Variants in MYRIP observed in about 807,000 individuals in gnomAD.
MYRIP encodes the protein rab effector MyRIP.
MYRIP carries 49 observed loss-of-function variants against 98.0 expected under a neutral mutation model. The observed-to-expected ratio is 0.50, with a 90% CI of 0.40 to 0.63. The LOEUF (loss-of-function observed/expected upper bound fraction) is 0.63, where lower values mean the gene tolerates loss of function less well. MYRIP is among the 30% of genes least tolerant of loss of function. MYRIP has a pLI of 0.00. For synonymous variants in MYRIP, 404 were observed against 409.5 expected, an observed-to-expected ratio of 0.99 and a Z score of 0.16; for missense variants, 1,004 against 1,058.2, an observed-to-expected ratio of 0.95 and a Z score of 0.71.
chr3:40,016,216 C>T (rs1946857650), intron 2 of MYRIP, among the ~76,000 whole-genome samples: 1 of 152,158 alleles, frequency 6.6e-6, no homozygotes, highest in Admixed American at 6.5e-5. Context: ...AGCTTCTCCT[C>T]TGAGCCTCCG....
At chr3:40,257,136 G>A (rs1953620786) in intron 16 of MYRIP, among the ~76,000 whole-genome samples, 1 of 152,116 alleles carries the variant, frequency 6.6e-6, no homozygotes, top group Admixed American at 6.6e-5. Context: ...GACCAGCCTG[G>A]GCAACATAGT....
At chr3:39,902,521 A>G (rs1397865150) in intron 2 of MYRIP, among the ~76,000 whole-genome samples, 3 of 151,768 alleles carry the variant, frequency 2.0e-5, no homozygotes, top group East Asian at 1.9e-4. Flanking sequence ...CTCTGGACAC[A>G]GGGCCTGGCA....
chr3:40,238,540 C>T (rs748819071), intron 12 of MYRIP: 1 of 152,194 alleles, frequency 6.6e-6, no homozygotes, highest in Non-Finnish European at 1.5e-5. Context: ...TTGGTTACCA[C>T]AGGGCAGGAC....
At position 40,170,107 on chromosome 3, in the gene MYRIP, C is replaced by A. The variant is rs200521636; in HGVS notation, c.873+14C>A. 2.7e-4 allele frequency: 429 copies of A among 1,613,722 alleles called. 2 individuals carry two copies. The African/African-American group carries it at 5.1e-3, about 19-fold the overall frequency. On this transcript the variant is annotated intron_variant, in intron 8 of 16. Coordinates refer to ENST00000302541, the MANE Select transcript of MYRIP (RefSeq NM_015460.4). ...GCTGCCCTCTGGGTGAGTCCCCAAG[C>A]AGTGCTGGTCTACCCTCCACACGTG...
chr3:39,858,689 G>A (rs1420993354), intron 1 of MYRIP, among the ~76,000 whole-genome samples: 3 of 152,060 alleles, frequency 2.0e-5, no homozygotes, highest in South Asian at 2.1e-4. Context: ...CATTTCAAAT[G>A]TATTTTCTGA....
chr3:40,175,338 T>C (rs1483216247), intron 8 of MYRIP, among the ~76,000 whole-genome samples: 1 of 152,036 alleles, frequency 6.6e-6, no homozygotes, highest in Non-Finnish European at 1.5e-5. Flanking sequence ...CATCTACATG[T>C]AACAGGACAA....
intron 2 of MYRIP, among the ~76,000 whole-genome samples, chr3:39,964,111 C>T (rs944554936): frequency 6.6e-6 from 1 of 152,024 alleles, no homozygotes; most frequent in Non-Finnish European, 1.5e-5. Context: ...CCAAGAATGT[C>T]ACCTGATGCA....
At chr3:40,242,773 A>G (rs1953063963) in intron 12 of MYRIP, among the ~76,000 whole-genome samples, 3 of 152,124 alleles carry the variant, frequency 2.0e-5, no homozygotes, top group Admixed American at 6.5e-5. Flanking sequence ...TTTTTGGTGT[A>G]GATAGGGAAA....
At chr3:39,874,353 C>G (rs1306799713) in intron 1 of MYRIP, among the ~76,000 whole-genome samples, 3 of 151,488 alleles carry the variant, frequency 2.0e-5, no homozygotes, top group Non-Finnish European at 4.4e-5. Flanking sequence ...GCCTAATTGC[C>G]TGGGCCAGAA....
At chr3:39,928,732 A>G (rs1944473122) in intron 2 of MYRIP, among the ~76,000 whole-genome samples, 1 of 151,938 alleles carries the variant, frequency 6.6e-6, no homozygotes. Context: ...CACTGTACTT[A>G]TTGGTGGAGG....
chr3:39,830,824 A>G (rs960351258), intron 1 of MYRIP, among the ~76,000 whole-genome samples: 10 of 152,018 alleles, frequency 6.6e-5, no homozygotes, highest in African/African-American at 2.2e-4. Context: ...GCTTTCCTGT[A>G]TAAAAAAGAA....
chr3:39,899,812 T>C (rs1943703395), intron 1 of MYRIP, among the ~76,000 whole-genome samples: 1 of 152,206 alleles, frequency 6.6e-6, no homozygotes. Flanking sequence ...CATTATTCCA[T>C]ATGCTTATTT....
At chr3:40,232,697 A>G (rs958290834) in intron 11 of MYRIP, among the ~76,000 whole-genome samples, 4 of 152,236 alleles carry the variant, frequency 2.6e-5, no homozygotes, top group East Asian at 1.9e-4. Flanking sequence ...GCATGATGCT[A>G]TATGTTCAGA....
chr3:39,965,103 T>G (rs1945410546), intron 2 of MYRIP, among the ~76,000 whole-genome samples: 1 of 152,110 alleles, frequency 6.6e-6, no homozygotes, highest in South Asian at 2.1e-4. Context: ...TTTATAATTT[T>G]TTCTCCATGT....
chr3:40,006,420 A>C (rs1177856125), intron 2 of MYRIP, among the ~76,000 whole-genome samples: 1 of 152,128 alleles, frequency 6.6e-6, no homozygotes, highest in African/African-American at 2.4e-5. Flanking sequence ...GGTGGTCCCC[A>C]GGGCAGTGAG....
At chr3:39,811,780 T>A (rs1311324519) in intron 1 of MYRIP, among the ~76,000 whole-genome samples, 19 of 152,006 alleles carry the variant, frequency 1.2e-4, no homozygotes, top group Admixed American at 1.1e-3. Context: ...TCTGCGTGTA[T>A]GGTGGTAGAA....
At position 40,156,775 on chromosome 3, in the gene MYRIP, G is replaced by C. The variant is rs868843917; in HGVS notation, c.469+5591G>C. Among the ~76,000 whole-genome samples the C allele has an allele frequency of 3.0e-3, 453 of 151,760 alleles. 4 individuals carry two copies. Among genetic ancestry groups the C allele is most frequent in the African/African-American group, 9.9e-3 (410 of 41,268 alleles). Reference sequence around the variant, plus strand: ...AAGCAATTGTGAATGGGAGTTCACTGATGATTTGGCTCTCTGTTTGTCTGT... The same window carrying C: ...AAGCAATTGTGAATGGGAGTTCACTCATGATTTGGCTCTCTGTTTGTCTGT... On this transcript the variant is annotated intron_variant, in intron 4 of 16. Transcript: ENST00000302541.
At chr3:40,150,663 G>A (rs1324324703) in intron 3 of MYRIP, among the ~76,000 whole-genome samples, 1 of 152,294 alleles carries the variant, frequency 6.6e-6, no homozygotes, top group East Asian at 1.9e-4. Context: ...TCTCCTGGTC[G>A]CATCTAAGTT....
chr3:39,934,549 G>A (rs762060952), intron 2 of MYRIP, among the ~76,000 whole-genome samples: 8 of 152,072 alleles, frequency 5.3e-5, no homozygotes, highest in Non-Finnish European at 1.2e-4. Flanking sequence ...GAAGAACAAG[G>A]TCCAAAGGGA....
Sources: allele counts gnomAD v4.1 joint callset (sites outside exome capture counted in the v4.1 genomes callset), GRCh38; gene constraint gnomAD v4.1.1; transcripts MANE v1.5; gene names NCBI Gene and HGNC (gene_info 2026-07-23, HGNC 2026-07-21).